Variants in STK24 observed in about 807,000 individuals in gnomAD.
STK24 encodes the protein serine/threonine-protein kinase 24.
STK24 carries 21 observed loss-of-function variants against 55.6 expected under a neutral mutation model. The observed-to-expected ratio is 0.38, with a 90% CI of 0.27 to 0.54. The LOEUF is 0.54. Ranked by LOEUF, STK24 falls within the 20% of genes least tolerant of loss-of-function variation. The probability of loss-of-function intolerance (pLI) is 0.79; values close to 1 mark genes in which losing one functional copy is unlikely to be tolerated. For synonymous variants in STK24, 200 were observed against 215.2 expected (o/e 0.93, Z 0.62); for missense variants, 383 against 538.4 (o/e 0.71, Z 2.86).
intron 1 of STK24, among the ~76,000 whole-genome samples, chr13:98,570,308 C>T (rs1056180538): frequency 2.0e-5 from 3 of 152,150 alleles, no homozygotes; most frequent in Non-Finnish European, 4.4e-5. Context: ...TCCCAACCAA[C>T]CTTACAAAAC....
chr13:98,573,255 TG>T (rs1246764293), intron 1 of STK24, among the ~76,000 whole-genome samples: 1 of 152,214 alleles, frequency 6.6e-6, no homozygotes, highest in Non-Finnish European at 1.5e-5. Flanking sequence ...GATAAAATTT[TG>T]TAACAGAAAT....
chr13:98,520,821 G>A (rs150806417), intron 1 of STK24, among the ~76,000 whole-genome samples: 32 of 152,288 alleles, frequency 2.1e-4, no homozygotes, highest in African/African-American at 7.5e-4. Context: ...TGGCAACAAC[G>A]CACATATCGC....
rs765585136 is a variant in STK24 at position 98,460,454 on chromosome 13, G to GA, written c.1054-15dup. On this transcript the variant is annotated splice_polypyrimidine_tract_variant and intron_variant, in intron 8 of 10. Transcript: ENST00000539966. Reference sequence around the variant, plus strand: ...GATGTCTTTCATCTTGGGGGAGAGGGAAAAAAAGGTCATCAGAAACAGTTG... The same window carrying GA: ...GATGTCTTTCATCTTGGGGGAGAGGGAAAAAAAAGGTCATCAGAAACAGTTG... The GA allele has an allele frequency of 3.1e-6, 5 of 1,599,156 alleles. No individual in the cohort carries two copies. The highest frequency in any genetic ancestry group is 3.4e-5 in the Admixed American group (2 of 58,824).
intron 5 of STK24, among the ~76,000 whole-genome samples, chr13:98,469,197 C>A (rs180707897): frequency 6.6e-6 from 1 of 152,320 alleles, no homozygotes; most frequent in East Asian, 1.9e-4. Flanking sequence ...CATCTGAACG[C>A]AACCCACGTA....
At chr13:98,517,672 C>G (rs1443121006) in intron 2 of STK24, among the ~76,000 whole-genome samples, 1 of 152,146 alleles carries the variant, frequency 6.6e-6, no homozygotes, top group Non-Finnish European at 1.5e-5. Context: ...GGCATTCCCC[C>G]ACGGAAGTCA....
chr13:98,575,543 G>T (rs1325210046), intron 1 of STK24, among the ~76,000 whole-genome samples: 3 of 151,766 alleles, frequency 2.0e-5, no homozygotes, highest in African/African-American at 7.3e-5. Flanking sequence ...TTCTTTTTAC[G>T]GTTTCAAAAA....
At chr13:98,549,718 C>A (rs565333107) in intron 1 of STK24, among the ~76,000 whole-genome samples, 1 of 152,300 alleles carries the variant, frequency 6.6e-6, no homozygotes, top group African/African-American at 2.4e-5. Context: ...GCCTGCAGAA[C>A]CATAAGCCAA....
intron 1 of STK24, among the ~76,000 whole-genome samples, chr13:98,564,547 G>A (rs1461157792): frequency 3.3e-5 from 5 of 152,228 alleles, no homozygotes; most frequent in African/African-American, 1.2e-4. Flanking sequence ...AGAGGAGGAA[G>A]CTGGGTACTA....
At chr13:98,501,020 TTGAAA>T (rs55968392) in intron 2 of STK24, among the ~76,000 whole-genome samples, 150,428 of 152,000 alleles carry the variant, frequency 0.99, 74,428 homozygotes, top group Middle Eastern at 1. Flanking sequence ...GTTTAAAACT[TTGAAA>T]TGAAATGAGA....
At chr13:98,488,764 C>G (rs1177200405) in intron 2 of STK24, among the ~76,000 whole-genome samples, 1 of 152,142 alleles carries the variant, frequency 6.6e-6, no homozygotes, top group Non-Finnish European at 1.5e-5. Flanking sequence ...ATTAACAACT[C>G]TCACAGGAGC....
chr13:98,491,521 G>C (rs1895034553), intron 2 of STK24, among the ~76,000 whole-genome samples: 1 of 152,026 alleles, frequency 6.6e-6, no homozygotes, highest in African/African-American at 2.4e-5. Context: ...ACAAAACGAA[G>C]CAACTGAAAA....
chr13:98,491,407 T>C (rs4771306), intron 2 of STK24, among the ~76,000 whole-genome samples: 40,436 of 152,130 alleles, frequency 0.27, 6,133 homozygotes, highest in East Asian at 0.42. Flanking sequence ...AGGAACGTTT[T>C]CTTGTGCTGG....
intron 7 of STK24, among the ~76,000 whole-genome samples, chr13:98,463,269 A>C (rs1332651675): frequency 6.6e-6 from 1 of 152,204 alleles, no homozygotes; most frequent in East Asian, 1.9e-4. Flanking sequence ...AGCAATTCTC[A>C]GTAAGCCACT....
At chr13:98,457,821 T>C (rs1335868188) in intron 9 of STK24, among the ~76,000 whole-genome samples, 1 of 152,150 alleles carries the variant, frequency 6.6e-6, no homozygotes, top group Non-Finnish European at 1.5e-5. Flanking sequence ...CAGTTATGTA[T>C]ACACAGGGCA....
chr13:98,482,776 C>A (rs1217919733), intron 2 of STK24, among the ~76,000 whole-genome samples: 1 of 152,194 alleles, frequency 6.6e-6, no homozygotes, highest in Non-Finnish European at 1.5e-5. Context: ...GCCTCCCCTG[C>A]GCCCCCCACC....
At position 98,452,104 on chromosome 13, in the gene STK24, A is replaced by G. The variant is rs1008936219; in HGVS notation, c.*1069T>C. On this transcript the variant is annotated 3_prime_UTR_variant, in exon 11 of 11. Transcript: ENST00000539966. Reference sequence around the variant, plus strand: ...CACGAGTACACACGCACGGCCACACATACACAGCAGGTGCCCTGTCCTCTG... The same window carrying G: ...CACGAGTACACACGCACGGCCACACGTACACAGCAGGTGCCCTGTCCTCTG... 1.3e-5 allele frequency: 2 copies of G among 152,206 alleles called. No individual in the cohort carries two copies. Among genetic ancestry groups the G allele is most frequent in the Admixed American group, 1.3e-4 (2 of 15,278 alleles). The allele number at this position is 152,206 out of a possible 1,614,324, so 9.4% of individuals were successfully genotyped here. A position where few individuals can be genotyped will look rare whatever the true frequency, so the allele number is the denominator to read the frequency against.
At chr13:98,545,152 CT>C (rs1330802996) in intron 1 of STK24, among the ~76,000 whole-genome samples, 6 of 152,162 alleles carry the variant, frequency 3.9e-5, no homozygotes, top group Admixed American at 2.6e-4. Flanking sequence ...AATTGGTGCC[CT>C]TTTGGTTGAG....
In STK24 at chr13:98,576,875, C is replaced by T; in HGVS notation, c.-89G>A. 3.3e-6 allele frequency: 3 copies of T among 908,000 alleles called. No homozygotes were observed. The highest frequency in any genetic ancestry group is 2.6e-6 in the Non-Finnish European group (2 of 761,242). The allele number at this position is 908,000 out of a possible 1,614,324, so 56.2% of individuals were successfully genotyped here. On this transcript the variant is annotated 5_prime_UTR_variant, in exon 1 of 11. Coordinates refer to ENST00000539966, the MANE Select transcript of STK24 (RefSeq NM_001032296.4). ...CGAGGCCCGCGGGCCGCGCGCAGCC[C>T]TCGGGCGGCGGGGCCGGCCGGAGCC...
chr13:98,466,210 ATG>A (rs1893919209), intron 6 of STK24, among the ~76,000 whole-genome samples, 164 bp downstream of exon 6: 1 of 152,238 alleles, frequency 6.6e-6, no homozygotes, highest in East Asian at 1.9e-4. Flanking sequence ...AAAAATTAAA[ATG>A]TATTTGCAAA....
Sources: gnomAD v4.1 joint callset for allele counts (sites outside exome capture counted in the v4.1 genomes callset) on GRCh38, gnomAD v4.1.1 for gene constraint, MANE v1.5 for transcripts, NCBI Gene and HGNC (gene_info 2026-07-23, HGNC 2026-07-21) for gene names.